The following NEXMIF variants were observed in gnomAD, a reference collection of about 807,000 sequenced individuals.
NEXMIF encodes XLMR protein related to neurite extension.
NEXMIF carries 8 observed loss-of-function variants against 62.1 expected under a neutral mutation model. The observed-to-expected ratio is 0.13, with a 90% confidence interval of 0.08 to 0.23. NEXMIF has a LOEUF of 0.23. Among genes scored for constraint, NEXMIF ranks in the 10% least tolerant of loss-of-function variants. The pLI is 1.00. For synonymous variants in NEXMIF, 404 were observed against 416.6 expected (o/e 0.97, Z 0.37); for missense variants, 976 against 1,113.3 (o/e 0.88, Z 1.75).
Position 74,745,661 on chromosome X carries a change from T to C in NEXMIF, c.-11A>G. 1 of 1,084,277 alleles carries C rather than the reference T, an allele frequency of 9.2e-7. No individual in the cohort carries two copies. The highest frequency in any genetic ancestry group is 1.3e-6 in the Non-Finnish European group (1 of 779,672). 89.4% of individuals were successfully genotyped at this position (1,084,277 alleles called of 1,213,427 possible). A position where few individuals can be genotyped will look rare whatever the true frequency, so the allele number is the denominator to read the frequency against. ...TTGTTGGTTATCCATGAATATAACC[T>C]CTTATTGTTTCATTCCAAGTCCAAA... On this transcript the variant is annotated 5_prime_UTR_variant, in exon 2 of 4. Coordinates refer to ENST00000055682, the MANE Select transcript of NEXMIF (RefSeq NM_001008537.3).
chrX:74,875,904 G>T (rs1239795044), intron 1 of NEXMIF, among the ~76,000 whole-genome samples: 5 of 110,136 alleles, frequency 4.5e-5, no homozygotes, highest in Non-Finnish European at 9.5e-5. Context: ...TATTAGTCTT[G>T]CTAGTGGTCT....
intron 1 of NEXMIF, among the ~76,000 whole-genome samples, chrX:74,920,322 C>A (rs2080822301): frequency 8.9e-6 from 1 of 111,952 alleles, no homozygotes; most frequent in Admixed American, 9.5e-5. Flanking sequence ...GCCATTCTAA[C>A]TGGTGTGACA....
At chrX:74,751,782 C>T (rs1270084250) in intron 1 of NEXMIF, among the ~76,000 whole-genome samples, 3 of 92,777 alleles carry the variant, frequency 3.2e-5, no homozygotes, top group African/African-American at 1.2e-4. Flanking sequence ...TCCTTCCCTC[C>T]CTCCCTCTTC....
chrX:74,910,878 T>C (rs1362835668), intron 1 of NEXMIF, among the ~76,000 whole-genome samples: 1 of 111,774 alleles, frequency 8.9e-6, no homozygotes, highest in Non-Finnish European at 1.9e-5. Flanking sequence ...ACCATGTAAG[T>C]AGTGCCTTTC....
chrX:74,883,642 T>A (rs927943066), intron 1 of NEXMIF, among the ~76,000 whole-genome samples: 17 of 111,878 alleles, frequency 1.5e-4, no homozygotes, highest in African/African-American at 5.5e-4. Context: ...AATATGGGAC[T>A]ATGTGAAAAG....
At chrX:74,749,448 C>T (rs2080135086) in intron 1 of NEXMIF, among the ~76,000 whole-genome samples, 2 of 111,101 alleles carry the variant, frequency 1.8e-5, no homozygotes, top group Non-Finnish European at 3.8e-5. Flanking sequence ...TCAATCCTCA[C>T]CTTCTCCAGT....
chrX:74,843,138 T>G lies in NEXMIF; in HGVS notation c.-48+81745A>C, dbSNP rs142784258. Among the ~76,000 whole-genome samples, 82 of 112,041 alleles carry G rather than the reference T, an allele frequency of 7.3e-4. No individual in the cohort carries two copies. In the East Asian group the frequency reaches 0.021, roughly 28 times the overall value. On this transcript the variant is annotated intron_variant, in intron 1 of 3. Coordinates refer to ENST00000055682, the MANE Select transcript of NEXMIF (RefSeq NM_001008537.3). ...CTTTTTATGTTTCTAAGAACTTGCT[T>G]TATGAATATGGGTGCTCCTGTGTTG...
At chrX:74,857,996 C>A (rs762525701) in intron 1 of NEXMIF, among the ~76,000 whole-genome samples, 3 of 111,943 alleles carry the variant, frequency 2.7e-5, no homozygotes, top group Non-Finnish European at 5.6e-5. Context: ...AGCTCAGCTG[C>A]AATATAATAG....
chrX:74,828,238 C>A (rs950886034), intron 1 of NEXMIF, among the ~76,000 whole-genome samples: 3 of 111,420 alleles, frequency 2.7e-5, no homozygotes, highest in Non-Finnish European at 5.7e-5. Context: ...AGCGAATAAT[C>A]TCCAAGGGGA....
chrX:74,791,966 C>G (rs1314244720), intron 1 of NEXMIF, among the ~76,000 whole-genome samples: 1 of 111,074 alleles, frequency 9.0e-6, no homozygotes, highest in Non-Finnish European at 1.9e-5. Context: ...GTTTGTGTCT[C>G]TATTTCCTTC....
chrX:74,812,420 T>C (rs1347875803), intron 1 of NEXMIF, among the ~76,000 whole-genome samples: 2 of 112,091 alleles, frequency 1.8e-5, no homozygotes, highest in Non-Finnish European at 3.8e-5. Context: ...AAAATAGATT[T>C]TTACCAACTT....
chrX:74,871,607 T>C (rs1441416022), intron 1 of NEXMIF, among the ~76,000 whole-genome samples: 3 of 110,974 alleles, frequency 2.7e-5, no homozygotes, highest in African/African-American at 9.8e-5. Flanking sequence ...AGAGCAGCCA[T>C]CTATAGACCT....
chrX:74,817,520 C>T (rs1456256719), intron 1 of NEXMIF, among the ~76,000 whole-genome samples: 3 of 112,131 alleles, frequency 2.7e-5, no homozygotes, highest in Admixed American at 1.9e-4. Context: ...AAGTTGCATT[C>T]GATGTTAAAG....
intron 1 of NEXMIF, among the ~76,000 whole-genome samples, chrX:74,790,862 T>G (rs1332786401): frequency 9.0e-6 from 1 of 110,671 alleles, no homozygotes; most frequent in African/African-American, 3.3e-5. Flanking sequence ...CTTATCAGCT[T>G]AAGGAGATTT....
intron 1 of NEXMIF, among the ~76,000 whole-genome samples, chrX:74,747,735 C>T (rs2147443552): frequency 9.1e-6 from 1 of 110,121 alleles, no homozygotes; most frequent in South Asian, 4.0e-4. Context: ...GTGTCTCAGC[C>T]TCCCAAGTAA....
chrX:74,741,420 A>T lies in NEXMIF; in HGVS notation c.3137T>A (p.Leu1046Gln). The T allele has an allele frequency of 8.3e-7, 1 of 1,211,661 alleles. No homozygotes were observed. ...IQQSIDEIAPLKESTDLLDIS... is the reference protein window; with the variant it reads ...IQQSIDEIAPQKESTDLLDIS... ...ATCCAGGAGGTCAGTGGACTCCTTT[A>T]GTGGTGCTATCTCATCAATGCTTTG... Residue 1046 changes from leucine (L) to glutamine (Q), a missense_variant, in exon 3 of 4, where the codon CTA becomes CAA. Around this residue, in one of 5 missense-constraint regions of NEXMIF, gnomAD observed 639 missense variants for 694.5 expected, o/e 0.92. Coordinates refer to ENST00000055682, the MANE Select transcript of NEXMIF (RefSeq NM_001008537.3).
At chrX:74,744,862 C>T (rs1432937233) in intron 2 of NEXMIF, among the ~76,000 whole-genome samples, 1 of 109,584 alleles carries the variant, frequency 9.1e-6, no homozygotes, top group Non-Finnish European at 1.9e-5. Context: ...GTTCTGGAAG[C>T]TCCTAGTGAC....
chrX:74,794,772 G>A (rs189325705), intron 1 of NEXMIF, among the ~76,000 whole-genome samples: 15 of 111,529 alleles, frequency 1.3e-4, no homozygotes, highest in Admixed American at 1.0e-3. Flanking sequence ...TCTTTGACTC[G>A]GAAAGGGAAC....
At chrX:74,753,512 G>A (rs2080150136) in intron 1 of NEXMIF, among the ~76,000 whole-genome samples, 1 of 111,772 alleles carries the variant, frequency 8.9e-6, no homozygotes, top group African/African-American at 3.3e-5. Flanking sequence ...CTAACTTTTT[G>A]TTTGTCTTTA....
Sources: allele counts gnomAD v4.1 joint callset (sites outside exome capture counted in the v4.1 genomes callset), GRCh38; gene constraint gnomAD v4.1.1; regional missense constraint gnomAD v4.1.1; transcripts MANE v1.5; gene names NCBI Gene and HGNC (gene_info 2026-07-23, HGNC 2026-07-21).